Variants in HIRIP3 observed in about 807,000 individuals in gnomAD.
HIRIP3 encodes HIRA interacting protein 3, also known as HIRA-interacting protein 3.
HIRIP3 carries 40 observed loss-of-function variants against 50.3 expected under a neutral mutation model. The ratio of observed to expected loss-of-function variants is 0.79; its 90% CI spans 0.62 to 1.03. The LOEUF (loss-of-function observed/expected upper bound fraction) is 1.03. HIRIP3 is among the 50% of genes least tolerant of loss of function. HIRIP3 has a pLI of 0.00. For missense variants in HIRIP3, 765 were observed against 705.4 expected (o/e 1.08, Z -0.96); for synonymous variants, 318 against 261.6 (o/e 1.22, Z -2.08).
At chr16:29,995,038 C>A in intron 3 of HIRIP3, 65 bp downstream of exon 3, 1 of 1,532,058 alleles carries the variant, frequency 6.5e-7, no homozygotes, top group Non-Finnish European at 9.0e-7. Context: ...AAGAGATGCG[C>A]AGTGAATGCT....
At position 29,993,963 on chromosome 16, in the gene HIRIP3, G is replaced by C. The variant is rs766470438; in HGVS notation, c.1182C>G (p.Gly394=). ...NRSSKKSSRK[G]RTRSSSSSSD... ...AGGAGGAAGAGGAGCTTCGTGTCCT[G>C]CCTTTCCTGGAGCTCTTCTTGGAAG... Residue 394 remains glycine, a synonymous_variant, in exon 4 of 7, where the codon GGC becomes GGG. Coordinates refer to ENST00000279392, the MANE Select transcript of HIRIP3 (RefSeq NM_003609.5). The C allele has an allele frequency of 1.8e-5, 28 of 1,561,402 alleles. No homozygotes were observed. The highest frequency in any genetic ancestry group is 2.0e-5 in the Non-Finnish European group (23 of 1,154,534).
In HIRIP3 at chr16:29,993,822, A is replaced by G; in HGVS notation, c.1240-14T>C. 6.2e-7 allele frequency: 1 copy of G among 1,613,786 alleles called. No individual in the cohort carries two copies. Among genetic ancestry groups the G allele is most frequent in the Non-Finnish European group, 8.5e-7 (1 of 1,179,888 alleles). ...ACCTGAGCCAGCCTAGCAAGGAAAG[A>G]GCAGCTGAAGGCCAAGCCTGCTGGG... is the stretch of plus-strand genomic sequence containing the variant. On this transcript the variant is annotated splice_polypyrimidine_tract_variant and intron_variant, in intron 4 of 6. Transcript: ENST00000279392.
At chr16:29,995,757 T>C (rs1487961195), upstream of HIRIP3, 1 of 896,706 alleles carries the variant, frequency 1.1e-6, no homozygotes, top group Non-Finnish European at 1.7e-6. Flanking sequence ...CCGAGAACTT[T>C]GCCAGACGAG....
In HIRIP3 at chr16:29,993,160, G is replaced by C; in HGVS notation, c.*47C>G. 6.6e-7 allele frequency: 1 copy of C among 1,517,594 alleles called. No individual in the cohort carries two copies. Among genetic ancestry groups the C allele is most frequent in the Non-Finnish European group, 8.9e-7 (1 of 1,127,840 alleles). The allele number at this position is 1,517,594 out of a possible 1,614,324, so 94.0% of individuals were successfully genotyped here. A position where few individuals can be genotyped will look rare whatever the true frequency, so the allele number is the denominator to read the frequency against. The stretch of plus-strand genomic sequence containing the variant: ...ACAGACACAGGGCAAGGGGTGCTAT[G>C]TATGCTTTGTACATGTATCAAGGGT... On this transcript the variant is annotated 3_prime_UTR_variant, in exon 7 of 7. Transcript: ENST00000279392.
upstream of HIRIP3, chr16:29,995,954 A>G (rs1392041094): frequency 5.3e-6 from 3 of 565,334 alleles, no homozygotes; most frequent in East Asian, 3.0e-5. Context: ...TTCGCAAGGC[A>G]GAAGAGAAAA....
At chr16:29,996,021 T>C (rs2070093440), upstream of HIRIP3, 1 of 577,556 alleles carries the variant, frequency 1.7e-6, no homozygotes. Context: ...TGGCTTCAAG[T>C]GTCTAAGTAC....
rs773846275 is a variant in HIRIP3, at chr16:29,994,007, C to A, written c.1138G>T (p.Gly380Trp). 2 of 1,599,846 alleles carry A rather than the reference C, an allele frequency of 1.3e-6. No homozygotes were observed. Among genetic ancestry groups the A allele is most frequent in the Admixed American group, 1.7e-5 (1 of 58,380 alleles). The change falls in exon 4 of 7, where the codon GGG becomes TGG. Residue 380 changes from glycine (G) to tryptophan (W), a missense_variant. Physicochemically the swap from Gly to Trp is radical, Grantham distance 184 (BLOSUM62 -2). Transcript: ENST00000279392. ...TTGGAAGAGCGGTTCTTCCTCTCCCCCTGGGGGCCTCCCCCTGCCTCGCTG... is the reference window on the plus strand; with the variant it reads ...TTGGAAGAGCGGTTCTTCCTCTCCCACTGGGGGCCTCCCCCTGCCTCGCTG... ...SDSEAGGGPQ[G>W]ERKNRSSKKS...
intron 3 of HIRIP3, 122 bp downstream of exon 3, chr16:29,994,981 G>C (rs1033038043): frequency 1.3e-6 from 2 of 1,482,386 alleles, no homozygotes; most frequent in African/African-American, 2.8e-5. Context: ...GCTGTTCCCG[G>C]TTCCTGACTC....
In HIRIP3 at chr16:29,994,295, T is replaced by C; in HGVS notation, c.850A>G (p.Arg284Gly). 1 of 1,614,150 alleles carries C rather than the reference T, an allele frequency of 6.2e-7. No homozygotes were observed. The highest frequency in any genetic ancestry group is 8.5e-7 in the Non-Finnish European group (1 of 1,180,036). The change falls in exon 4 of 7, where the codon AGG becomes GGG. Residue 284 changes from arginine to glycine, a missense_variant. By Grantham distance (125) the Arg-to-Gly change is moderately radical (BLOSUM62 -2). Coordinates refer to ENST00000279392, the MANE Select transcript of HIRIP3 (RefSeq NM_003609.5). ...RSCKQKSQAK[R>G]LLGDSDSEEE... ...TCGCTGTCTGAGTCTCCCAAGAGCCTCTTTGCCTGGCTTTTCTGCTTACAG... is the reference window on the plus strand; with the variant it reads ...TCGCTGTCTGAGTCTCCCAAGAGCCCCTTTGCCTGGCTTTTCTGCTTACAG...
rs368475986 is a variant in HIRIP3, at chr16:29,994,475, C to G, written c.670G>C (p.Glu224Gln). The change falls in exon 4 of 7, where the codon GAA (glutamate) becomes CAA (glutamine). Residue 224 changes from glutamate to glutamine, a missense_variant. Glu to Gln is a conservative substitution (Grantham distance 29). Coordinates refer to ENST00000279392, the MANE Select transcript of HIRIP3 (RefSeq NM_003609.5). ...AGGATCTCCTCTTCACTCTCCTGTT[C>G]ACTTTCCTTCAGGCTTTTAGTTCCT... ...NKGTKSLKESEQESEEEILAQ... is the reference protein window; with the variant it reads ...NKGTKSLKESQQESEEEILAQ... The G allele has an allele frequency of 1.2e-6, 2 of 1,614,046 alleles. No homozygotes were observed. Among genetic ancestry groups the G allele is most frequent in the African/African-American group, 2.7e-5 (2 of 74,912 alleles).
At position 29,993,786 on chromosome 16, in the gene HIRIP3, T is replaced by A. The variant is rs761364612; in HGVS notation, c.1262A>T (p.Glu421Val). The stretch of plus-strand genomic sequence containing the variant: ...CAGCCTCATCACAGCCGGGTGGTCC[T>A]CTCCACGGCGACCTGAGCCAGCCTA... ...GGKAGSGRRG[E>V]DHPAVMRLKR... The change falls in exon 5 of 7, where the codon GAG (glutamate) becomes GTG (valine). Residue 421 changes from glutamate (E) to valine (V), a missense_variant. Glu to Val is a moderately radical substitution (Grantham distance 121). Coordinates refer to ENST00000279392, the MANE Select transcript of HIRIP3 (RefSeq NM_003609.5). 5.6e-6 allele frequency: 9 copies of A among 1,611,706 alleles called. No individual in the cohort carries two copies. In the Admixed American group the frequency reaches 1.5e-4, roughly 27 times the overall value.
chr16:29,993,134 CA>C lies in HIRIP3; in HGVS notation c.*72del. 7.1e-7 allele frequency: 1 copy of C among 1,410,654 alleles called. No individual in the cohort carries two copies. The highest frequency in any genetic ancestry group is 1.5e-5 in the South Asian group (1 of 66,856). 87.4% of individuals were successfully genotyped at this position (1,410,654 alleles called of 1,614,324 possible). On this transcript the variant is annotated 3_prime_UTR_variant, in exon 7 of 7. Transcript: ENST00000279392. Reference sequence around the variant, plus strand: ...TCTCTGAAGGAAGCTGCTTCTGTTCCACAGACACAGGGCAAGGGGTGCTATG... The same window carrying C: ...TCTCTGAAGGAAGCTGCTTCTGTTCCCAGACACAGGGCAAGGGGTGCTATG...
In HIRIP3 at chr16:29,994,226, T is replaced by C. The variant is rs746720823; in HGVS notation, c.919A>G (p.Arg307Gly). ...EAASSGDDSGRDREPPVQRKS... is the reference protein window; with the variant it reads ...EAASSGDDSGGDREPPVQRKS... ...CTCTGCACTGGGGGTTCTCTATCTCTCCCACTGTCATCCCCACTGCTGGCT... is the reference window on the plus strand; with the variant it reads ...CTCTGCACTGGGGGTTCTCTATCTCCCCCACTGTCATCCCCACTGCTGGCT... Residue 307 changes from arginine (R) to glycine (G), a missense_variant, in exon 4 of 7, where the codon AGA (arginine) becomes GGA (glycine). Physicochemically the swap from Arg to Gly is moderately radical, Grantham distance 125. Coordinates refer to ENST00000279392, the MANE Select transcript of HIRIP3 (RefSeq NM_003609.5). 3 of 1,614,092 alleles carry C rather than the reference T, an allele frequency of 1.9e-6. No homozygotes were observed. The highest frequency in any genetic ancestry group is 4.5e-5 in the East Asian group (2 of 44,880).
chr16:29,994,981 G>T (rs1033038043), intron 3 of HIRIP3, 122 bp downstream of exon 3: 2 of 1,482,386 alleles, frequency 1.3e-6, no homozygotes, highest in Admixed American at 1.9e-5. Context: ...GCTGTTCCCG[G>T]TTCCTGACTC....
Position 29,993,324 on chromosome 16 carries a change from T to TG in HIRIP3, c.1553dup (p.Pro519ThrfsTer14). On this transcript the variant is annotated frameshift_variant, in exon 7 of 7. Coordinates refer to ENST00000279392, the MANE Select transcript of HIRIP3 (RefSeq NM_003609.5). LOFTEE classifies it high-confidence loss of function. ...TCCGTCGGTACAGCTCCCCTGGGGG[T>TG]GCTGCTTCTCCTAAAGGGTTCCAGG... is the stretch of plus-strand genomic sequence containing the variant. The TG allele has an allele frequency of 6.5e-7, 1 of 1,537,476 alleles. No homozygotes were observed. Among genetic ancestry groups the TG allele is most frequent in the Non-Finnish European group, 8.8e-7 (1 of 1,139,538 alleles).
At position 29,994,729 on chromosome 16, in the gene HIRIP3, A is replaced by G. The variant is rs571185613; in HGVS notation, c.416T>C (p.Val139Ala). 3.7e-6 allele frequency: 6 copies of G among 1,613,788 alleles called. No homozygotes were observed. Among genetic ancestry groups the G allele is most frequent in the African/African-American group, 1.3e-5 (1 of 74,886 alleles). ...EENPRRASKA[V>A]EESSDEERQR... ...CCGTTCCTCATCACTGCTCTCCTCA[A>G]CTGCCTTTGAGGCTCGCCTTGGATT... Residue 139 changes from valine to alanine, a missense_variant, in exon 4 of 7, where the codon GTT (valine) becomes GCT (alanine). Coordinates refer to ENST00000279392, the MANE Select transcript of HIRIP3 (RefSeq NM_003609.5).
chr16:29,994,968 C>T, intron 3 of HIRIP3, 125 bp from the exon 4 acceptor site: 3 of 1,472,680 alleles, frequency 2.0e-6, no homozygotes, highest in South Asian at 1.3e-5. Context: ...GCTATCTGTA[C>T]TTGCTGTTCC....
chr16:29,994,133 C>T lies in HIRIP3; in HGVS notation c.1012G>A (p.Asp338Asn). 1 of 1,614,174 alleles carries T rather than the reference C, an allele frequency of 6.2e-7. No individual in the cohort carries two copies. The highest frequency in any genetic ancestry group is 8.5e-7 in the Non-Finnish European group (1 of 1,180,034). ...RLSGSSEDEEDSGKGEPTAKG... is the reference protein window; with the variant it reads ...RLSGSSEDEENSGKGEPTAKG... The stretch of plus-strand genomic sequence containing the variant: ...GCTGTGGGTTCCCCCTTCCCACTGT[C>T]TTCCTCGTCCTCGCTGCTTCCACTC... Residue 338 changes from aspartate to asparagine, a missense_variant, in exon 4 of 7, where the codon GAC (aspartate) becomes AAC (asparagine). Asp to Asn is a conservative substitution (Grantham distance 23). Transcript: ENST00000279392.
downstream of HIRIP3, chr16:29,992,321 T>C (rs868538552): frequency 1.3e-5 from 2 of 152,306 alleles, no homozygotes; most frequent in South Asian, 2.1e-4. Flanking sequence ...GGCCACTGAA[T>C]AGTACTGCTT....
Sources: gnomAD v4.1 joint callset for allele counts on GRCh38, gnomAD v4.1.1 for gene constraint, MANE v1.5 for transcripts, NCBI Gene and HGNC (gene_info 2026-07-23, HGNC 2026-07-21) for gene names.